GALNTL6: variants seen among roughly 807,000 people sequenced by gnomAD.
GALNTL6 encodes the protein polypeptide N-acetylgalactosaminyltransferase like 6.
Under a neutral mutation model 73.7 loss-of-function variants are expected in GALNTL6, and 46 were observed. The ratio of observed to expected loss-of-function variants is 0.62; its 90% CI spans 0.49 to 0.80. GALNTL6 has a LOEUF of 0.80. Among genes scored for constraint, GALNTL6 ranks in the 30% least tolerant of loss-of-function variants. The pLI is 0.00. For synonymous variants in GALNTL6, 259 were observed against 263.7 expected (o/e 0.98, Z 0.17); for missense variants, 604 against 755.0 (o/e 0.80, Z 2.34).
At chr4:172,290,879 C>A (rs962583575) in intron 3 of GALNTL6, among the ~76,000 whole-genome samples, 5 of 150,616 alleles carry the variant, frequency 3.3e-5, no homozygotes, top group Non-Finnish European at 5.9e-5. Context: ...ATTAAGAAAA[C>A]CCACATAAAA....
At chr4:172,414,706 T>C (rs1306253108) in intron 5 of GALNTL6, among the ~76,000 whole-genome samples, 1 of 152,178 alleles carries the variant, frequency 6.6e-6, no homozygotes, top group Non-Finnish European at 1.5e-5. Context: ...TTTGTGTCTT[T>C]GTTATCTAAA....
At chr4:172,529,682 GTT>G (rs1735102206) in intron 5 of GALNTL6, among the ~76,000 whole-genome samples, 1 of 150,990 alleles carries the variant, frequency 6.6e-6, no homozygotes, top group Admixed American at 6.6e-5. Context: ...TGTTGTTGTT[GTT>G]GTTGTTGTTG....
intron 2 of GALNTL6, among the ~76,000 whole-genome samples, chr4:172,207,514 C>G (rs1360803456): frequency 6.6e-6 from 1 of 152,120 alleles, no homozygotes; most frequent in Non-Finnish European, 1.5e-5. Context: ...ATTTGGGAAG[C>G]CTTTCCTGAA....
At chr4:172,742,299 G>A (rs75660790) in intron 5 of GALNTL6, among the ~76,000 whole-genome samples, 2,013 of 151,650 alleles carry the variant, frequency 0.013, 44 homozygotes, top group African/African-American at 0.046. Flanking sequence ...GTACTATGAC[G>A]CACCACAGAT....
intron 5 of GALNTL6, among the ~76,000 whole-genome samples, chr4:172,401,911 G>A (rs1269251811): frequency 7.2e-6 from 1 of 139,068 alleles, no homozygotes; most frequent in Non-Finnish European, 1.6e-5. Flanking sequence ...AAGAGAGAGA[G>A]AGAGAGGGGG....
chr4:172,189,103 ATAT>A (rs958491100), intron 2 of GALNTL6, among the ~76,000 whole-genome samples: 2 of 151,126 alleles, frequency 1.3e-5, no homozygotes, highest in African/African-American at 4.9e-5. Flanking sequence ...ATACTTCATA[ATAT>A]TATCCATTTT....
intron 11 of GALNTL6, among the ~76,000 whole-genome samples, chr4:173,017,209 A>G (rs1339214592): frequency 1.3e-5 from 2 of 152,236 alleles, no homozygotes; most frequent in Non-Finnish European, 2.9e-5. Flanking sequence ...ACTAATATAC[A>G]TTGTAAATCT....
intron 5 of GALNTL6, among the ~76,000 whole-genome samples, chr4:172,365,587 C>T (rs1742527431): frequency 6.6e-6 from 1 of 151,890 alleles, no homozygotes. Flanking sequence ...AAATCAGAGG[C>T]CATACTCCCT....
chr4:172,249,327 G>C lies in GALNTL6; in HGVS notation c.247+19563G>C, dbSNP rs140404670. 9.2e-5 allele frequency among the ~76,000 whole-genome samples: 14 copies of C among 152,252 alleles called. No individual in the cohort carries two copies. In the East Asian group the frequency reaches 2.7e-3, roughly 29 times the overall value. On this transcript the variant is annotated intron_variant, in intron 3 of 12. Transcript: ENST00000506823. ...TGAGAGAGATGATTTAGGGTATCTGGCAGAAGAAATTTATAAGTGGCCAAG... is the reference window on the plus strand; with the variant it reads ...TGAGAGAGATGATTTAGGGTATCTGCCAGAAGAAATTTATAAGTGGCCAAG...
intron 2 of GALNTL6, among the ~76,000 whole-genome samples, chr4:172,089,254 C>T (rs911678106): frequency 1.1e-4 from 16 of 152,066 alleles, no homozygotes; most frequent in African/African-American, 3.6e-4. Context: ...AGACTAATGT[C>T]TGGAGTCATC....
At chr4:172,925,015 G>A (rs915455339) in intron 8 of GALNTL6, among the ~76,000 whole-genome samples, 3 of 152,034 alleles carry the variant, frequency 2.0e-5, no homozygotes, top group Admixed American at 1.3e-4. Context: ...GGGACTACAG[G>A]TGCCTGCCAC....
chr4:172,318,355 T>C (rs965461847), intron 4 of GALNTL6, among the ~76,000 whole-genome samples: 12 of 152,194 alleles, frequency 7.9e-5, no homozygotes, highest in African/African-American at 2.9e-4. Context: ...GTTTAAGACT[T>C]GTCAGACATT....
intron 5 of GALNTL6, among the ~76,000 whole-genome samples, chr4:172,362,935 A>C (rs1477215201): frequency 2.6e-5 from 4 of 152,130 alleles, no homozygotes; most frequent in Non-Finnish European, 5.9e-5. Context: ...ACTTGCTTAA[A>C]TTCCTGAAAG....
In GALNTL6 at chr4:172,970,604, G is replaced by A. The variant is rs181697949; in HGVS notation, c.1371+18346G>A. Among the ~76,000 whole-genome samples the A allele has an allele frequency of 3.7e-3, 562 of 152,322 alleles. 2 individuals carry two copies. Among genetic ancestry groups the A allele is most frequent in the Non-Finnish European group, 6.5e-3 (443 of 68,026 alleles). Reference sequence around the variant, plus strand: ...CCTGCAGGCAGTCAGACCTTTGGTTGTCTTCCCTTGTTCCCTGAAAATTGC... The same window carrying A: ...CCTGCAGGCAGTCAGACCTTTGGTTATCTTCCCTTGTTCCCTGAAAATTGC... On this transcript the variant is annotated intron_variant, in intron 10 of 12. Coordinates refer to ENST00000506823, the MANE Select transcript of GALNTL6 (RefSeq NM_001034845.3).
intron 5 of GALNTL6, among the ~76,000 whole-genome samples, chr4:172,394,433 T>TTC: frequency 6.8e-6 from 1 of 147,496 alleles, no homozygotes; most frequent in East Asian, 2.0e-4. Flanking sequence ...TTCTTCTTTT[T>TTC]TTTTTTTTTT....
intron 11 of GALNTL6, among the ~76,000 whole-genome samples, chr4:173,018,846 G>C (rs56376872): frequency 0.035 from 5,327 of 152,276 alleles, 291 homozygotes; most frequent in African/African-American, 0.12. Flanking sequence ...GTTCCTAAGA[G>C]GTCAAAGAGT....
At chr4:172,433,960 A>C (rs1197498507) in intron 5 of GALNTL6, among the ~76,000 whole-genome samples, 1 of 152,098 alleles carries the variant, frequency 6.6e-6, no homozygotes, top group Non-Finnish European at 1.5e-5. Context: ...ACTCACATAC[A>C]TTTAATACTA....
intron 7 of GALNTL6, among the ~76,000 whole-genome samples, chr4:172,865,054 T>C (rs1208933507): frequency 6.6e-6 from 1 of 152,170 alleles, no homozygotes; most frequent in African/African-American, 2.4e-5. Flanking sequence ...ACTATTAACC[T>C]TTGATAACCT....
chr4:172,850,516 G>T (rs1004637946), intron 7 of GALNTL6, among the ~76,000 whole-genome samples: 5 of 152,076 alleles, frequency 3.3e-5, no homozygotes, highest in Non-Finnish European at 5.9e-5. Context: ...TTCACCGCTT[G>T]GTCACTAAAA....
Sources: allele counts gnomAD v4.1 joint callset (sites outside exome capture counted in the v4.1 genomes callset), GRCh38; gene constraint gnomAD v4.1.1; transcripts MANE v1.5; gene names NCBI Gene and HGNC (gene_info 2026-07-23, HGNC 2026-07-21).